The following CIMAP2 variants were observed in gnomAD, a reference collection of about 807,000 sequenced individuals.
CIMAP2 encodes ciliary microtubule-associated protein 2.
chr1:54,826,927 A>G, the CIMAP2 span, among the ~76,000 whole-genome samples: 2,527 of 152,350 alleles, frequency 0.017, 90 homozygotes, highest in African/African-American at 0.058. Context: ...ACCTCTAGTC[A>G]GCCATCTTGA....
chr1:54,833,352 G>C, the CIMAP2 span, among the ~76,000 whole-genome samples: 1 of 152,178 alleles, frequency 6.6e-6, no homozygotes, highest in Non-Finnish European at 1.5e-5. Flanking sequence ...CCTTGGCCAG[G>C]TTGGGAGGAG....
At chr1:54,817,242 A>C in the CIMAP2 span, 2 of 1,349,004 alleles carry the variant, frequency 1.5e-6, no homozygotes, top group Non-Finnish European at 2.0e-6. Context: ...CCCTAATGCC[A>C]GCCAAACAGC....
At chr1:54,815,133 G>A in the CIMAP2 span, 1 of 1,536,778 alleles carries the variant, frequency 6.5e-7, no homozygotes, top group Admixed American at 1.8e-5. Flanking sequence ...CCGATGCTTT[G>A]AGTGAGCCAT....
chr1:54,842,067 C>G, the CIMAP2 span: 4 of 608,930 alleles, frequency 6.6e-6, no homozygotes, highest in African/African-American at 7.4e-5. Flanking sequence ...TCCGGGACAG[C>G]TGGGGACAGG....
chr1:54,809,535 A>G, the CIMAP2 span, among the ~76,000 whole-genome samples: 386 of 152,356 alleles, frequency 2.5e-3, no homozygotes, highest in African/African-American at 8.8e-3. Context: ...CACTATCATT[A>G]TGTCCATTCT....
chr1:54,820,007 CTT>C, the CIMAP2 span, among the ~76,000 whole-genome samples: 5 of 129,816 alleles, frequency 3.9e-5, no homozygotes, highest in South Asian at 2.6e-4. Context: ...TTCTCCCTCT[CTT>C]TTCCTTCTTT....
chr1:54,822,107 C>T, the CIMAP2 span, among the ~76,000 whole-genome samples: 1 of 117,404 alleles, frequency 8.5e-6, no homozygotes, highest in South Asian at 2.4e-4. Context: ...ACCATTTTAG[C>T]CGGGATGGTC....
the CIMAP2 span, among the ~76,000 whole-genome samples, chr1:54,824,958 T>G: frequency 2.6e-5 from 4 of 151,070 alleles, no homozygotes; most frequent in Admixed American, 6.6e-5. Flanking sequence ...TGTTCATGTT[T>G]CTTGTGTCCC....
chr1:54,811,950 A>G, the CIMAP2 span: 1 of 1,614,084 alleles, frequency 6.2e-7, no homozygotes, highest in Non-Finnish European at 8.5e-7. Flanking sequence ...TCGGCTGGCC[A>G]GGCCTTGCCT....
chr1:54,825,343 G>A, the CIMAP2 span, among the ~76,000 whole-genome samples: 3 of 152,028 alleles, frequency 2.0e-5, no homozygotes, highest in South Asian at 2.1e-4. Context: ...GAGCCACCAC[G>A]CCCGGTGGGA....
At chr1:54,807,807 G>A in the CIMAP2 span, 10 of 1,513,686 alleles carry the variant, frequency 6.6e-6, no homozygotes, top group Admixed American at 1.1e-4. Flanking sequence ...ATCCTTTAAG[G>A]AACACCATCG....
the CIMAP2 span, chr1:54,806,307 G>A: frequency 9.9e-6 from 13 of 1,318,028 alleles, no homozygotes; most frequent in Non-Finnish European, 1.3e-5. Flanking sequence ...TCGGGAGAGA[G>A]GGTGTCCACC....
At chr1:54,838,338 C>A in the CIMAP2 span, among the ~76,000 whole-genome samples, 5 of 151,934 alleles carry the variant, frequency 3.3e-5, 1 homozygote, top group African/African-American at 1.2e-4. Flanking sequence ...CAAAAATTAG[C>A]CGGGTGCGGT....
chr1:54,807,412 AG>A, the CIMAP2 span: 1 of 1,310,490 alleles, frequency 7.6e-7, no homozygotes. Context: ...TGGGAGCCAC[AG>A]GGGGATTGCC....
the CIMAP2 span, among the ~76,000 whole-genome samples, chr1:54,808,964 C>T: frequency 1.3e-4 from 1 of 7,456 alleles, no homozygotes; most frequent in Non-Finnish European, 4.3e-4. Flanking sequence ...CCCTTCCTCC[C>T]TTGGCAGCCT....
At chr1:54,811,782 C>CCCCCCCCCCCCA in the CIMAP2 span, 2 of 1,205,988 alleles carry the variant, frequency 1.7e-6, no homozygotes, top group Non-Finnish European at 2.3e-6. Context: ...TGCCCCCACC[C>CCCCCCCCCCCCA]CCGCCCCACA....
chr1:54,824,554 A>G, the CIMAP2 span, among the ~76,000 whole-genome samples: 1 of 152,130 alleles, frequency 6.6e-6, no homozygotes, highest in Admixed American at 6.5e-5. Flanking sequence ...TGTCACATAT[A>G]CTTTCTTAAT....
chr1:54,837,382 T>A, the CIMAP2 span, among the ~76,000 whole-genome samples: 10 of 152,106 alleles, frequency 6.6e-5, no homozygotes, highest in Non-Finnish European at 1.3e-4. Context: ...GTCTCCACTT[T>A]GGCATCTCTT....
chr1:54,818,831 A>C, the CIMAP2 span, among the ~76,000 whole-genome samples: 1 of 152,088 alleles, frequency 6.6e-6, no homozygotes, highest in Admixed American at 6.6e-5. Flanking sequence ...GAGCTCAAGC[A>C]ATCTGCCTGT....
Sources: gnomAD v4.1 joint callset for allele counts (sites outside exome capture counted in the v4.1 genomes callset) on GRCh38, gnomAD v4.1.1 for gene constraint, MANE v1.5 for transcripts, NCBI Gene and HGNC (gene_info 2026-07-23, HGNC 2026-07-21) for gene names.